ZNF506: variants seen among roughly 807,000 people sequenced by gnomAD.
ZNF506 encodes zinc finger protein 506.
Under a neutral mutation model 11.6 loss-of-function variants are expected in ZNF506, and 10 were observed. The observed-to-expected ratio is 0.86, with a 90% CI of 0.53 to 1.46. The LOEUF is 1.46. Among genes scored for constraint, ZNF506 ranks in the 40% most tolerant of loss-of-function variants. The pLI is 0.00. For missense variants in ZNF506, 425 were observed against 521.2 expected (o/e 0.82, Z 1.80); for synonymous variants, 156 against 173.3 (o/e 0.90, Z 0.78).
At position 19,816,418 on chromosome 19, in the gene ZNF506, T is replaced by C. The variant is rs546884632; in HGVS notation, c.3+5183A>G. Among the ~76,000 whole-genome samples, 4 of 152,114 alleles carry C rather than the reference T, an allele frequency of 2.6e-5. No individual in the cohort carries two copies. The South Asian group carries it at 6.2e-4, about 24-fold the overall frequency. Reference sequence around the variant, plus strand: ...TGCTGCCCAGGCTGAAGTGCAGTGGTGCGATCTCAGCTCACTGCAAGCTCC... The same window carrying C: ...TGCTGCCCAGGCTGAAGTGCAGTGGCGCGATCTCAGCTCACTGCAAGCTCC... On this transcript the variant is annotated intron_variant, in intron 1 of 3. Transcript: ENST00000540806.
chr19:19,809,999 G>A (rs1219761130), intron 1 of ZNF506, among the ~76,000 whole-genome samples: 1 of 151,548 alleles, frequency 6.6e-6, no homozygotes, highest in East Asian at 1.9e-4. Flanking sequence ...AGATCCTAAT[G>A]AGAAGCCTGG....
At chr19:19,817,222 G>A (rs1477490178) in intron 1 of ZNF506, among the ~76,000 whole-genome samples, 1 of 152,066 alleles carries the variant, frequency 6.6e-6, no homozygotes, top group Non-Finnish European at 1.5e-5. Context: ...AGAACATGCT[G>A]ATTTCAGTGT....
chr19:19,814,926 A>G (rs1312553857), intron 1 of ZNF506, among the ~76,000 whole-genome samples: 1 of 152,138 alleles, frequency 6.6e-6, no homozygotes, highest in Non-Finnish European at 1.5e-5. Flanking sequence ...AGACTTGTAG[A>G]GACTTGTGGA....
intron 1 of ZNF506, among the ~76,000 whole-genome samples, chr19:19,812,520 C>A (rs2145199812): frequency 6.6e-6 from 1 of 152,346 alleles, no homozygotes; most frequent in Non-Finnish European, 1.5e-5. Context: ...CTTGATCTCT[C>A]ACTACAGATT....
Position 19,794,540 on chromosome 19 carries a change from C to G in ZNF506, c.*12G>C, listed in dbSNP as rs1404162448. 6.4e-7 allele frequency: 1 copy of G among 1,574,090 alleles called. No homozygotes were observed. The highest frequency in any genetic ancestry group is 1.2e-5 in the South Asian group (1 of 82,848). On this transcript the variant is annotated 3_prime_UTR_variant, in exon 4 of 4. Transcript: ENST00000540806. ...CATTCATCACATTCATACGGTTTCT[C>G]TCCAGTATGAATTATCTTATGCTTA...
At chr19:19,819,886 C>T (rs1347958878) in intron 1 of ZNF506, among the ~76,000 whole-genome samples, 2 of 152,096 alleles carry the variant, frequency 1.3e-5, no homozygotes, top group African/African-American at 4.8e-5. Context: ...ATCACGAGGT[C>T]AAGAGATAGA....
intron 1 of ZNF506, among the ~76,000 whole-genome samples, chr19:19,808,274 C>G (rs1225841808): frequency 2.0e-5 from 3 of 151,126 alleles, no homozygotes; most frequent in Non-Finnish European, 4.4e-5. Context: ...CAGGCACCCG[C>G]CACCAGGCCC....
chr19:19,804,938 T>C (rs183911043), intron 3 of ZNF506, among the ~76,000 whole-genome samples: 60 of 143,916 alleles, frequency 4.2e-4, no homozygotes, highest in Non-Finnish European at 7.7e-4. Context: ...TGTCATGGGG[T>C]GGGGGGATGG....
intron 1 of ZNF506, among the ~76,000 whole-genome samples, chr19:19,810,653 T>C (rs1388952649): frequency 1.3e-5 from 2 of 152,216 alleles, no homozygotes; most frequent in Non-Finnish European, 2.9e-5. Flanking sequence ...TTTATTCTAT[T>C]CATATTTACT....
Position 19,821,717 on chromosome 19 carries a change from G to C in ZNF506, c.-114C>G, listed in dbSNP as rs901765499. 7.4e-7 allele frequency: 1 copy of C among 1,359,078 alleles called. No homozygotes were observed. The highest frequency in any genetic ancestry group is 1.8e-4 in the Middle Eastern group (1 of 5,498). 84.2% of individuals were successfully genotyped at this position (1,359,078 alleles called of 1,614,324 possible). A position where few individuals can be genotyped will look rare whatever the true frequency, so the allele number is the denominator to read the frequency against. On this transcript the variant is annotated 5_prime_UTR_variant, in exon 1 of 4. It adds an upstream start codon to the 5' untranslated region. Coordinates refer to ENST00000540806, the MANE Select transcript of ZNF506 (RefSeq NM_001099269.3). ...GCTGACGGCACAGAGCAGTGAAGAC[G>C]ATAGCTGGATCTCTGGCGTCAGCGA...
intron 3 of ZNF506, 120 bp from the exon 4 acceptor site, chr19:19,795,780 A>C: frequency 1.0e-6 from 1 of 961,370 alleles, no homozygotes; most frequent in Non-Finnish European, 1.5e-6. Flanking sequence ...AAAATACCAC[A>C]AGCTGTAATT....
chr19:19,809,693 C>T (rs2062869031), intron 1 of ZNF506, among the ~76,000 whole-genome samples: 1 of 152,178 alleles, frequency 6.6e-6, no homozygotes, highest in African/African-American at 2.4e-5. Context: ...TTTCTCCTTT[C>T]CTGTCCCCAG....
chr19:19,802,522 C>G (rs1456572179), intron 3 of ZNF506, among the ~76,000 whole-genome samples: 1 of 151,372 alleles, frequency 6.6e-6, no homozygotes, highest in East Asian at 1.9e-4. Flanking sequence ...GTTAGACCCT[C>G]TGATATGTAA....
chr19:19,793,027 T>C lies in ZNF506; in HGVS notation c.*1525A>G, dbSNP rs2062706482. Among the ~76,000 whole-genome samples, 2 of 152,174 alleles carry C rather than the reference T, an allele frequency of 1.3e-5. No individual in the cohort carries two copies. Among genetic ancestry groups the C allele is most frequent in the African/African-American group, 2.4e-5 (1 of 41,450 alleles). ...TGTAATATCCCTGATGCAGCAACAATTGATCACATGCTTTCACATGTGACC... is the reference window on the plus strand; with the variant it reads ...TGTAATATCCCTGATGCAGCAACAACTGATCACATGCTTTCACATGTGACC... On this transcript the variant is annotated 3_prime_UTR_variant, in exon 4 of 4. Coordinates refer to ENST00000540806, the MANE Select transcript of ZNF506 (RefSeq NM_001099269.3).
intron 1 of ZNF506, 74 bp downstream of exon 1, chr19:19,821,527 C>T (rs2062967023): frequency 6.2e-7 from 1 of 1,603,800 alleles, no homozygotes; most frequent in African/African-American, 1.3e-5. Context: ...GCCACTGCCA[C>T]AGCCACAGCC....
intron 1 of ZNF506, among the ~76,000 whole-genome samples, chr19:19,816,837 T>TTTTTTGG (rs2062936490): frequency 9.1e-6 from 1 of 110,394 alleles, no homozygotes; most frequent in African/African-American, 3.7e-5. Flanking sequence ...TTTTTTTTTT[T>TTTTTTGG]GAGGGGAGTT....
intron 3 of ZNF506, among the ~76,000 whole-genome samples, chr19:19,800,907 TCCCAACAC>T (rs2062786556): frequency 6.6e-6 from 1 of 151,838 alleles, no homozygotes; most frequent in Admixed American, 6.6e-5. Flanking sequence ...GCACCTGTAA[TCCCAACAC>T]TAGGGGAGGC....
At chr19:19,815,207 C>T (rs960889190) in intron 1 of ZNF506, among the ~76,000 whole-genome samples, 5 of 152,178 alleles carry the variant, frequency 3.3e-5, no homozygotes, top group African/African-American at 1.2e-4. Context: ...CTGCAGTGAG[C>T]CGAGATCGCG....
At chr19:19,819,207 A>C (rs138726890) in intron 1 of ZNF506, among the ~76,000 whole-genome samples, 1 of 151,970 alleles carries the variant, frequency 6.6e-6, no homozygotes, top group East Asian at 1.9e-4. Flanking sequence ...TGTCTTTTGA[A>C]GTGTTTTTTC....
Sources: gnomAD v4.1 joint callset for allele counts (sites outside exome capture counted in the v4.1 genomes callset) on GRCh38, gnomAD v4.1.1 for gene constraint, MANE v1.5 for transcripts, NCBI Gene and HGNC (gene_info 2026-07-23, HGNC 2026-07-21) for gene names.